ANKRD44: variants seen among roughly 807,000 people sequenced by gnomAD.
ANKRD44 encodes serine/threonine-protein phosphatase 6 regulatory ankyrin repeat subunit B.
In ANKRD44, 35 loss-of-function variants were observed where a neutral mutation model predicts 116.0. The observed-to-expected ratio is 0.30, with a 90% CI of 0.23 to 0.40. ANKRD44 has a LOEUF of 0.40. Among genes scored for constraint, ANKRD44 ranks in the 10% least tolerant of loss-of-function variants. The pLI, the probability that ANKRD44 is intolerant of heterozygous loss-of-function variation, is 1.00. For synonymous variants in ANKRD44, 435 were observed against 461.8 expected, an observed-to-expected ratio of 0.94 and a Z score of 0.74; for missense variants, 1,014 against 1,242.6, an observed-to-expected ratio of 0.82 and a Z score of 2.77.
At position 197,008,963 on chromosome 2, in the gene ANKRD44, C is replaced by T; in HGVS notation, c.1993G>A (p.Val665Met). 1 of 1,614,172 alleles carries T rather than the reference C, an allele frequency of 6.2e-7. No individual in the cohort carries two copies. Among genetic ancestry groups the T allele is most frequent in the Non-Finnish European group, 8.5e-7 (1 of 1,179,998 alleles). ...EIADNPEAVD[V>M]KDAKGQTPLM... Reference sequence around the variant, plus strand: ...ACTTACTGTCCTTTGGCATCTTTCACATCGACCGCCTCCGGGTTGTCTGCA... The same window carrying T: ...ACTTACTGTCCTTTGGCATCTTTCATATCGACCGCCTCCGGGTTGTCTGCA... Residue 665 changes from valine (V) to methionine (M), a missense_variant, in exon 19 of 28, where the codon GTG becomes ATG. Transcript: ENST00000282272.
At position 197,271,808 on chromosome 2, in the gene ANKRD44, C is replaced by T. The variant is rs2082905732; in HGVS notation, c.27+38770G>A. Among the ~76,000 whole-genome samples, 4 of 152,222 alleles carry T rather than the reference C, an allele frequency of 2.6e-5. No individual in the cohort carries two copies. In the South Asian group the frequency reaches 8.3e-4, roughly 32 times the overall value. On this transcript the variant is annotated intron_variant, in intron 1 of 27. Coordinates refer to ENST00000282272, the MANE Select transcript of ANKRD44 (RefSeq NM_001195144.2). Reference sequence around the variant, plus strand: ...GTAGAGATGGAGTTTCACCATGTTGCCCAGGCTGGTCATGAACTCCTGGGC... The same window carrying T: ...GTAGAGATGGAGTTTCACCATGTTGTCCAGGCTGGTCATGAACTCCTGGGC...
chr2:197,280,327 T>C (rs1191496571), intron 1 of ANKRD44, among the ~76,000 whole-genome samples: 1 of 152,176 alleles, frequency 6.6e-6, no homozygotes, highest in East Asian at 1.9e-4. Context: ...AGAAAGCATC[T>C]GGATAAAGCA....
intron 10 of ANKRD44, among the ~76,000 whole-genome samples, chr2:197,098,105 T>C (rs2078205363): frequency 6.6e-6 from 1 of 152,208 alleles, no homozygotes; most frequent in Non-Finnish European, 1.5e-5. Flanking sequence ...TGTTACAATG[T>C]CATCTTTTCT....
Position 197,263,346 on chromosome 2 carries a change from C to CT in ANKRD44, c.27+47231_27+47232insA, listed in dbSNP as rs1160779190. The CT allele has an allele frequency of 4.8e-5, 25 of 523,788 alleles. No individual in the cohort carries two copies. The East Asian group carries it at 4.8e-4, about 10-fold the overall frequency. The allele number at this position is 523,788 out of a possible 1,614,324, so 32.4% of individuals were successfully genotyped here. On this transcript the variant is annotated intron_variant, in intron 1 of 27. Coordinates refer to ENST00000282272, the MANE Select transcript of ANKRD44 (RefSeq NM_001195144.2). The stretch of plus-strand genomic sequence containing the variant: ...ACAGCCAAGTTCATTGGGGCTGGGG[C>CT]GCCACAGTTGGGGTGGCGGGCTCTG...
At chr2:197,249,655 G>A (rs1404159917) in intron 1 of ANKRD44, among the ~76,000 whole-genome samples, 1 of 152,166 alleles carries the variant, frequency 6.6e-6, no homozygotes, top group East Asian at 1.9e-4. Context: ...ACAGCTGCAG[G>A]AGGATCGTCA....
chr2:197,241,318 C>T (rs532292221), intron 1 of ANKRD44, among the ~76,000 whole-genome samples: 3 of 152,272 alleles, frequency 2.0e-5, no homozygotes, highest in South Asian at 2.1e-4. Flanking sequence ...TTAAATAATG[C>T]AAAGGGTTTC....
intron 16 of ANKRD44, among the ~76,000 whole-genome samples, chr2:197,042,063 T>C (rs1006752288): frequency 2.0e-5 from 3 of 152,168 alleles, no homozygotes; most frequent in Non-Finnish European, 2.9e-5. Flanking sequence ...CAAAAGCCTA[T>C]ATAAAAATCA....
At chr2:197,173,379 C>A (rs1479224149) in intron 2 of ANKRD44, among the ~76,000 whole-genome samples, 2 of 152,140 alleles carry the variant, frequency 1.3e-5, no homozygotes, top group African/African-American at 4.8e-5. Flanking sequence ...AGGAAGCTCA[C>A]AAAGAGGATA....
In ANKRD44 at chr2:197,125,422, T is replaced by C; in HGVS notation, c.509A>G (p.Asp170Gly). 6.2e-7 allele frequency: 1 copy of C among 1,614,138 alleles called. No individual in the cohort carries two copies. Among genetic ancestry groups the C allele is most frequent in the Non-Finnish European group, 8.5e-7 (1 of 1,180,042 alleles). ...LAKGANINAF[D>G]KKDRRALHWA... ...GTGCAGAGCACGCCGGTCCTTCTTG[T>C]CAAATGCATTGATATTTGCCCCTTT... The change falls in exon 6 of 28, where the codon GAC becomes GGC. Residue 170 changes from aspartate (D) to glycine (G), a missense_variant. Coordinates refer to ENST00000282272, the MANE Select transcript of ANKRD44 (RefSeq NM_001195144.2).
rs569946852 is a variant in ANKRD44, at chr2:197,123,812, T to C, written c.551-1020A>G. Among the ~76,000 whole-genome samples, 16 of 152,256 alleles carry C rather than the reference T, an allele frequency of 1.1e-4. No individual in the cohort carries two copies. The Middle Eastern group carries it at 0.014, about 129-fold the overall frequency. ...GGGTGGGGGGAAAGTATTGGCTTGT[T>C]TTATTAAAATTTGACTCTTTTCTCT... On this transcript the variant is annotated intron_variant, in intron 6 of 27. Transcript: ENST00000282272.
At chr2:197,117,518 G>A (rs765743867) in intron 8 of ANKRD44, among the ~76,000 whole-genome samples, 9 of 151,802 alleles carry the variant, frequency 5.9e-5, no homozygotes, top group South Asian at 2.1e-4. Flanking sequence ...GATTACAGGC[G>A]TGAGCCACCG....
rs189509830 is a variant in ANKRD44 at position 197,309,644 on chromosome 2, A to C, written c.27+934T>G. Among the ~76,000 whole-genome samples the C allele has an allele frequency of 1.5e-4, 23 of 152,220 alleles. No homozygotes were observed. In the East Asian group the frequency reaches 3.3e-3, roughly 22 times the overall value. ...CTCTGCCTACCAGGACCCCAAAACA[A>C]AGTTCCTTTCACTACCCACGAATAA... On this transcript the variant is annotated intron_variant, in intron 1 of 27. Coordinates refer to ENST00000282272, the MANE Select transcript of ANKRD44 (RefSeq NM_001195144.2).
chr2:197,168,782 C>T (rs1012147592), intron 2 of ANKRD44, among the ~76,000 whole-genome samples: 1 of 152,146 alleles, frequency 6.6e-6, no homozygotes. Context: ...GCAGCTCTCC[C>T]CATGTAGAGG....
intron 1 of ANKRD44, among the ~76,000 whole-genome samples, chr2:197,272,679 T>C (rs919227216): frequency 1.3e-5 from 2 of 152,202 alleles, no homozygotes; most frequent in East Asian, 1.9e-4. Context: ...GCTGCCATTA[T>C]GAAATAGACC....
chr2:197,122,706 C>A lies in ANKRD44; in HGVS notation c.637G>T (p.Ala213Ser). 1 of 1,614,224 alleles carries A rather than the reference C, an allele frequency of 6.2e-7. No individual in the cohort carries two copies. The highest frequency in any genetic ancestry group is 1.1e-5 in the South Asian group (1 of 91,088). ...DKKGYTPLHA[A>S]ASNGQINVVK... ...ACATTAATCTGTCCATTGGAGGCTGCAGCATGCAGAGGGGTATAACCCTTC... is the reference window on the plus strand; with the variant it reads ...ACATTAATCTGTCCATTGGAGGCTGAAGCATGCAGAGGGGTATAACCCTTC... The change falls in exon 7 of 28, where the codon GCA (alanine) becomes TCA (serine). Residue 213 changes from alanine (A) to serine (S), a missense_variant. Ala to Ser is a moderately conservative substitution (Grantham distance 99, BLOSUM62 1). Transcript: ENST00000282272.
intron 17 of ANKRD44, among the ~76,000 whole-genome samples, chr2:197,017,161 G>C (rs1234968715): frequency 1.3e-5 from 2 of 152,114 alleles, no homozygotes; most frequent in Non-Finnish European, 2.9e-5. Flanking sequence ...ATTTGTCGAG[G>C]GTGGTTTAAC....
chr2:197,287,162 G>GT (rs2083430224), intron 1 of ANKRD44, among the ~76,000 whole-genome samples: 1 of 152,208 alleles, frequency 6.6e-6, no homozygotes, highest in Non-Finnish European at 1.5e-5. Flanking sequence ...GATGGTGACA[G>GT]TGGGAGAGGC....
intron 16 of ANKRD44, among the ~76,000 whole-genome samples, chr2:197,059,989 A>G (rs1405467492): frequency 6.6e-6 from 1 of 152,222 alleles, no homozygotes; most frequent in Non-Finnish European, 1.5e-5. Context: ...GACCAACATA[A>G]CAAACACATT....
downstream of ANKRD44, among the ~76,000 whole-genome samples, chr2:196,982,108 T>TTGTATATATATATATA (rs150861089): frequency 2.1e-5 from 2 of 96,550 alleles, no homozygotes; most frequent in Non-Finnish European, 4.3e-5. Context: ...CTAAAAAAAA[T>TTGTATATATATATATA]TATATATATA....
Sources: allele counts gnomAD v4.1 joint callset (sites outside exome capture counted in the v4.1 genomes callset), GRCh38; gene constraint gnomAD v4.1.1; transcripts MANE v1.5; gene names NCBI Gene and HGNC (gene_info 2026-07-23, HGNC 2026-07-21).